Variants in HCRTR2 observed in about 807,000 individuals in gnomAD.
The protein encoded by HCRTR2 is orexin receptor type 2.
In HCRTR2, 22 loss-of-function variants were observed where a neutral mutation model predicts 49.0. That is an observed-to-expected ratio of 0.45 (90% CI 0.32 to 0.64). The LOEUF is 0.64. Ranked by LOEUF, HCRTR2 falls within the 30% of genes least tolerant of loss-of-function variation. The pLI, the probability that HCRTR2 is intolerant of heterozygous loss-of-function variation, is 0.04. For synonymous variants in HCRTR2, 236 were observed against 205.3 expected, an observed-to-expected ratio of 1.15 and a Z score of -1.28; for missense variants, 491 against 559.4, an observed-to-expected ratio of 0.88 and a Z score of 1.23.
rs1215420766 is a variant in HCRTR2 at position 55,277,669 on chromosome 6, T to TG, written c.983+69_983+70insG. The stretch of plus-strand genomic sequence containing the variant: ...CTTGATTCTTAATTAACTTTTTTTT[T>TG]TTTTTTAACTAAGCCAGAGAAAAAT... On this transcript the variant is annotated intron_variant, in intron 5 of 6. Coordinates refer to ENST00000370862, the MANE Select transcript of HCRTR2 (RefSeq NM_001384272.1). 11 of 1,197,968 alleles carry TG rather than the reference T, an allele frequency of 9.2e-6. No individual in the cohort carries two copies. The African/African-American group carries it at 1.7e-4, about 18-fold the overall frequency. The allele number at this position is 1,197,968 out of a possible 1,614,324, so 74.2% of individuals were successfully genotyped here.
intron 1 of HCRTR2, among the ~76,000 whole-genome samples, chr6:55,213,097 C>T (rs1765725402): frequency 6.6e-6 from 1 of 151,080 alleles, no homozygotes; most frequent in East Asian, 1.9e-4. Context: ...AGAGAGCAGA[C>T]AAGAAGGAAG....
intron 1 of HCRTR2, among the ~76,000 whole-genome samples, chr6:55,233,500 G>C (rs1305738280): frequency 6.6e-6 from 1 of 152,100 alleles, no homozygotes; most frequent in Non-Finnish European, 1.5e-5. Context: ...GACCAGCCTG[G>C]ACAAAATGGC....
At chr6:55,266,516 C>A (rs1448329550) in intron 4 of HCRTR2, among the ~76,000 whole-genome samples, 1 of 152,088 alleles carries the variant, frequency 6.6e-6, no homozygotes, top group Non-Finnish European at 1.5e-5. Context: ...AATTAATGAG[C>A]ATGTAGGAAT....
At chr6:55,275,357 T>C (rs1344424903) in intron 4 of HCRTR2, among the ~76,000 whole-genome samples, 2 of 152,182 alleles carry the variant, frequency 1.3e-5, no homozygotes, top group African/African-American at 4.8e-5. Flanking sequence ...CTTTTAGGGA[T>C]GCATTAAGGA....
intron 1 of HCRTR2, among the ~76,000 whole-genome samples, chr6:55,199,227 C>A (rs1057316450): frequency 3.3e-5 from 5 of 150,490 alleles, no homozygotes; most frequent in African/African-American, 9.8e-5. Context: ...TCTAGCCCAA[C>A]TTTTTAATTT....
intron 1 of HCRTR2, among the ~76,000 whole-genome samples, chr6:55,122,935 A>C (rs1381806990): frequency 7.8e-6 from 1 of 127,924 alleles, no homozygotes; most frequent in African/African-American, 2.9e-5. Context: ...CTTGGACACA[A>C]GAAGGGGAAC....
intron 1 of HCRTR2, among the ~76,000 whole-genome samples, chr6:55,138,912 C>T (rs979554841): frequency 2.6e-5 from 4 of 152,196 alleles, no homozygotes; most frequent in Non-Finnish European, 5.9e-5. Context: ...AGCACAGTAA[C>T]AGGACAGAAA....
chr6:55,212,914 CA>C, intron 1 of HCRTR2, among the ~76,000 whole-genome samples: 1 of 152,146 alleles, frequency 6.6e-6, no homozygotes, highest in East Asian at 1.9e-4. Flanking sequence ...GTCAGTATCT[CA>C]AAAAATATAC....
chr6:55,266,070 A>G (rs909167488), intron 4 of HCRTR2, among the ~76,000 whole-genome samples: 5 of 152,146 alleles, frequency 3.3e-5, no homozygotes, highest in African/African-American at 1.2e-4. Context: ...GGTGGGTTGG[A>G]CAAGCTTGCT....
At chr6:55,174,917 G>A in intron 1 of HCRTR2, 107 bp downstream of exon 1, 1 of 816,434 alleles carries the variant, frequency 1.2e-6, no homozygotes. Context: ...CAAACAAAGA[G>A]GTCGCTGCTC....
intron 1 of HCRTR2, among the ~76,000 whole-genome samples, chr6:55,146,868 C>A (rs1764587026): frequency 6.6e-6 from 1 of 152,094 alleles, no homozygotes; most frequent in African/African-American, 2.4e-5. Context: ...GTCTGTGCAC[C>A]ATACTTTGAA....
intron 1 of HCRTR2, among the ~76,000 whole-genome samples, chr6:55,134,263 A>G (rs2127249150): frequency 6.6e-6 from 1 of 151,926 alleles, no homozygotes; most frequent in East Asian, 1.9e-4. Flanking sequence ...AAAATTTTCT[A>G]TCAAAATCTT....
intron 1 of HCRTR2, among the ~76,000 whole-genome samples, chr6:55,179,948 T>C (rs1426487312): frequency 6.6e-6 from 1 of 152,206 alleles, no homozygotes; most frequent in African/African-American, 2.4e-5. Context: ...TCTTATAGCA[T>C]TCTGACATCT....
intron 1 of HCRTR2, among the ~76,000 whole-genome samples, chr6:55,204,944 C>T (rs1454768205): frequency 6.6e-6 from 1 of 152,022 alleles, no homozygotes; most frequent in Non-Finnish European, 1.5e-5. Context: ...CACTAATGTG[C>T]CCAGCTGATT....
At chr6:55,258,146 C>G (rs367886345) in intron 3 of HCRTR2, among the ~76,000 whole-genome samples, 10 of 152,048 alleles carry the variant, frequency 6.6e-5, no homozygotes, top group African/African-American at 2.2e-4. Flanking sequence ...AGTGTCATCT[C>G]TCTAAATTCA....
At chr6:55,268,307 T>C (rs1766900330) in intron 4 of HCRTR2, among the ~76,000 whole-genome samples, 1 of 152,024 alleles carries the variant, frequency 6.6e-6, no homozygotes, top group South Asian at 2.1e-4. Flanking sequence ...ATACAATATA[T>C]ATAAGTCACA....
chr6:55,130,896 G>A (rs1428425969), intron 1 of HCRTR2, among the ~76,000 whole-genome samples: 3 of 151,806 alleles, frequency 2.0e-5, no homozygotes, highest in Non-Finnish European at 4.4e-5. Flanking sequence ...AAATCTTCAT[G>A]TACAAAATAA....
At chr6:55,206,845 T>C (rs1376388648) in intron 1 of HCRTR2, among the ~76,000 whole-genome samples, 1 of 152,098 alleles carries the variant, frequency 6.6e-6, no homozygotes, top group African/African-American at 2.4e-5. Flanking sequence ...ATAATTATTG[T>C]AGAATAATTT....
At chr6:55,134,677 C>G (rs1273031299) in intron 1 of HCRTR2, among the ~76,000 whole-genome samples, 2 of 151,898 alleles carry the variant, frequency 1.3e-5, no homozygotes, top group Non-Finnish European at 2.9e-5. Context: ...ATTTTATTCT[C>G]TTTCTATGGG....
Sources: allele counts gnomAD v4.1 joint callset (sites outside exome capture counted in the v4.1 genomes callset), GRCh38; gene constraint gnomAD v4.1.1; transcripts MANE v1.5; gene names NCBI Gene and HGNC (gene_info 2026-07-23, HGNC 2026-07-21).